RBFOX1: variants seen among roughly 807,000 people sequenced by gnomAD.
The protein encoded by RBFOX1 is RNA binding protein fox-1 homolog 1.
A neutral mutation model predicts 57.7 loss-of-function variants in RBFOX1; 8 were observed. The observed-to-expected ratio is 0.14, with a 90% confidence interval of 0.08 to 0.25. The LOEUF is 0.25. Among genes scored for constraint, RBFOX1 ranks in the 10% least tolerant of loss-of-function variants. The pLI, the probability that RBFOX1 is intolerant of heterozygous loss-of-function variation, is 1.00. For missense variants in RBFOX1, 611 were observed against 548.5 expected (o/e 1.11, Z -1.14); for synonymous variants, 326 against 222.4 (o/e 1.47, Z -4.15).
At chr16:6,874,514 A>T (rs1348042905) in intron 3 of RBFOX1, among the ~76,000 whole-genome samples, 4 of 37,144 alleles carry the variant, frequency 1.1e-4, no homozygotes, top group African/African-American at 2.4e-4. Context: ...CCATCTAAAA[A>T]AAAAAAAAAA....
At chr16:5,673,870 C>T (rs956480129) in intron 3 of RBFOX1, among the ~76,000 whole-genome samples, 1 of 152,208 alleles carries the variant, frequency 6.6e-6, no homozygotes, top group Non-Finnish European at 1.5e-5. Flanking sequence ...ATTTTGCCTG[C>T]ATCATCTGCT....
intron 2 of RBFOX1, among the ~76,000 whole-genome samples, chr16:5,510,292 G>C (rs1009417901): frequency 2.0e-5 from 3 of 152,208 alleles, no homozygotes; most frequent in Non-Finnish European, 1.5e-5. Flanking sequence ...GTGGGGTTCA[G>C]CAGATCTTGC....
intron 2 of RBFOX1, among the ~76,000 whole-genome samples, chr16:6,440,082 A>G (rs2094344651): frequency 1.3e-5 from 2 of 151,698 alleles, no homozygotes; most frequent in South Asian, 4.2e-4. Flanking sequence ...GACTACAGGC[A>G]TGCACCACCA....
chr16:7,311,878 C>G (rs149499465), intron 4 of RBFOX1, among the ~76,000 whole-genome samples: 113 of 152,288 alleles, frequency 7.4e-4, no homozygotes, highest in Non-Finnish European at 5.0e-4. Context: ...AAGGCTTAAT[C>G]CCAACTCTGT....
At chr16:6,851,602 C>G (rs957899249) in intron 3 of RBFOX1, among the ~76,000 whole-genome samples, 5 of 152,290 alleles carry the variant, frequency 3.3e-5, no homozygotes, top group African/African-American at 9.6e-5. Flanking sequence ...GAGATCTTGT[C>G]TTAATTATCT....
Position 5,424,857 on chromosome 16 carries a change from CTCTTCT to C in RBFOX1, c.220-42357_220-42352del, listed in dbSNP as rs908436686. On this transcript the variant is annotated intron_variant, in intron 1 of 2. Transcript: ENST00000585867. The stretch of plus-strand genomic sequence containing the variant: ...TCTTTCTTTCTTTCTTTCTCTCTCT[CTCTTCT>C]TTCTTTCTTTTTTTTCTTTCTTTCT... Among the ~76,000 whole-genome samples, 495 of 147,720 alleles carry C rather than the reference CTCTTCT, an allele frequency of 3.4e-3. 16 individuals carry two copies. Among genetic ancestry groups the C allele is most frequent in the African/African-American group, 0.012 (458 of 38,186 alleles).
chr16:6,904,686 G>C (rs555084041), intron 3 of RBFOX1, among the ~76,000 whole-genome samples: 11 of 150,432 alleles, frequency 7.3e-5, no homozygotes, highest in South Asian at 2.1e-4. Flanking sequence ...TGGGGAAGCA[G>C]CTGCTTTTTC....
At chr16:5,320,796 A>G (rs1423622353) in intron 1 of RBFOX1, among the ~76,000 whole-genome samples, 1 of 152,140 alleles carries the variant, frequency 6.6e-6, no homozygotes, top group Non-Finnish European at 1.5e-5. Flanking sequence ...CTGAGTAGAG[A>G]GAGCTGGGGG....
At chr16:6,941,323 C>CTTCT (rs1487972803) in intron 3 of RBFOX1, among the ~76,000 whole-genome samples, 42 of 136,860 alleles carry the variant, frequency 3.1e-4, no homozygotes, top group African/African-American at 1.1e-3. Flanking sequence ...TCCTTCCTTC[C>CTTCT]TTCCTTCCTT....
At chr16:5,949,986 T>C (rs1484312347) in intron 4 of RBFOX1, among the ~76,000 whole-genome samples, 1 of 152,222 alleles carries the variant, frequency 6.6e-6, no homozygotes, top group Non-Finnish European at 1.5e-5. Context: ...GTTACATAGG[T>C]TGATGTGGCC....
chr16:7,130,761 G>A (rs1197068294), intron 4 of RBFOX1, among the ~76,000 whole-genome samples: 4 of 152,120 alleles, frequency 2.6e-5, no homozygotes, highest in African/African-American at 9.7e-5. Context: ...TTAATATCGT[G>A]CTTAAATTTT....
chr16:7,120,830 T>TATATAC (rs1226442313), intron 4 of RBFOX1, among the ~76,000 whole-genome samples: 4,776 of 86,500 alleles, frequency 0.055, 124 homozygotes, highest in Non-Finnish European at 0.08. Flanking sequence ...TATGTATATA[T>TATATAC]ACACACACAC....
At chr16:6,382,831 G>T (rs1198780004) in intron 2 of RBFOX1, among the ~76,000 whole-genome samples, 5 of 152,190 alleles carry the variant, frequency 3.3e-5, no homozygotes, top group Admixed American at 6.5e-5. Flanking sequence ...CTGCACTCCA[G>T]CCTGGGCAAC....
At chr16:7,654,761 A>C (rs981520836) in intron 12 of RBFOX1, among the ~76,000 whole-genome samples, 1 of 152,220 alleles carries the variant, frequency 6.6e-6, no homozygotes, top group African/African-American at 2.4e-5. Context: ...GGATACCTCC[A>C]AGGCAGTGGC....
intron 5 of RBFOX1, among the ~76,000 whole-genome samples, chr16:7,551,054 A>G (rs2086266096): frequency 6.8e-6 from 1 of 148,002 alleles, no homozygotes; most frequent in South Asian, 2.1e-4. Flanking sequence ...AGATTGTGCC[A>G]TCACACTCCA....
chr16:7,588,725 T>C (rs2094271331), intron 7 of RBFOX1, among the ~76,000 whole-genome samples: 1 of 152,196 alleles, frequency 6.6e-6, no homozygotes, highest in Non-Finnish European at 1.5e-5. Flanking sequence ...CATTGCCAGC[T>C]CTTTTGGATG....
At position 7,436,952 on chromosome 16, in the gene RBFOX1, G is replaced by A. The variant is rs187033547; in HGVS notation, c.28-81195G>A. Reference sequence around the variant, plus strand: ...TAAAAATAGCTGGTCATGGTGATACGCGCCTGTAATCCGAGCTACTCAGGA... The same window carrying A: ...TAAAAATAGCTGGTCATGGTGATACACGCCTGTAATCCGAGCTACTCAGGA... On this transcript the variant is annotated intron_variant, in intron 4 of 15. Coordinates refer to ENST00000550418, the MANE Select transcript of RBFOX1 (RefSeq NM_018723.4). Among the ~76,000 whole-genome samples, 604 of 152,178 alleles carry A rather than the reference G, an allele frequency of 4.0e-3. 5 individuals are homozygous for A. Among genetic ancestry groups the A allele is most frequent in the Non-Finnish European group, 6.8e-3 (463 of 68,002 alleles).
intron 3 of RBFOX1, among the ~76,000 whole-genome samples, chr16:6,658,408 C>T (rs1421593359): frequency 6.6e-6 from 1 of 152,058 alleles, no homozygotes; most frequent in Middle Eastern, 3.4e-3. Flanking sequence ...GGGGTTTTAC[C>T]ATGTTGGCCA....
At chr16:7,057,424 G>A (rs2052689478) in intron 4 of RBFOX1, among the ~76,000 whole-genome samples, 1 of 152,150 alleles carries the variant, frequency 6.6e-6, no homozygotes, top group Admixed American at 6.5e-5. Flanking sequence ...GGTCCACTCT[G>A]GATTTTTCTT....
Sources: allele counts gnomAD v4.1 joint callset (sites outside exome capture counted in the v4.1 genomes callset), GRCh38; gene constraint gnomAD v4.1.1; transcripts MANE v1.5; gene names NCBI Gene and HGNC (gene_info 2026-07-23, HGNC 2026-07-21).